Variants in DNMBP observed in about 807,000 individuals in gnomAD.
DNMBP encodes dynamin binding protein.
A neutral mutation model predicts 150.0 loss-of-function variants in DNMBP; 87 were observed. The ratio of observed to expected loss-of-function variants is 0.58; its 90% CI spans 0.49 to 0.69. The LOEUF (loss-of-function observed/expected upper bound fraction) is 0.69, where lower values mean the gene tolerates loss of function less well. DNMBP is among the 30% of genes least tolerant of loss of function. The pLI is 0.00. For synonymous variants in DNMBP, 711 were observed against 750.4 expected, an observed-to-expected ratio of 0.95 and a Z score of 0.86; for missense variants, 1,774 against 1,949.0, an observed-to-expected ratio of 0.91 and a Z score of 1.69.
At position 100,002,713 on chromosome 10, in the gene DNMBP, T is replaced by C. The variant is rs2041028455; in HGVS notation, c.-11+7125A>G. On this transcript the variant is annotated intron_variant, in intron 1 of 16. Transcript: ENST00000324109. ...ATATGTAGGGTTAATAAATATCTTC[T>C]GCTTGAAACAAAGTCAGCATAGGGT... Among the ~76,000 whole-genome samples the C allele has an allele frequency of 2.6e-5, 4 of 152,210 alleles. No individual in the cohort carries two copies. The South Asian group carries it at 6.2e-4, about 24-fold the overall frequency.
chr10:100,003,775 G>A (rs964071976), intron 1 of DNMBP, among the ~76,000 whole-genome samples: 4 of 152,028 alleles, frequency 2.6e-5, no homozygotes, highest in Non-Finnish European at 5.9e-5. Flanking sequence ...TCGCACCACT[G>A]TACTCCAGCC....
Position 99,955,775 on chromosome 10 carries a change from C to T in DNMBP, c.1699G>A (p.Gly567Ser), listed in dbSNP as rs528635086. Residue 567 changes from glycine to serine, a missense_variant, in exon 4 of 17, where the codon GGC (glycine) becomes AGC (serine). Transcript: ENST00000324109. ...CGTAAAATTTTATCTGGCTCTGTGC[C>T]GGGCCCTGCCAAGCTCTTCTCAAAC... ...IEFEKSLAGP[G>S]TEPDKILRHF... 125 of 1,614,194 alleles carry T rather than the reference C, an allele frequency of 7.7e-5. No individual in the cohort carries two copies. The highest frequency in any genetic ancestry group is 3.3e-4 in the Middle Eastern group (2 of 6,062).
intron 4 of DNMBP, among the ~76,000 whole-genome samples, chr10:99,916,287 ACT>A (rs1384335696): frequency 2.6e-5 from 4 of 152,122 alleles, no homozygotes; most frequent in Non-Finnish European, 5.9e-5. Flanking sequence ...ACATGGTGAA[ACT>A]CTGTCTCTAC....
At chr10:99,988,052 G>C (rs536597683) in intron 1 of DNMBP, among the ~76,000 whole-genome samples, 2 of 150,544 alleles carry the variant, frequency 1.3e-5, no homozygotes, top group Non-Finnish European at 3.0e-5. Flanking sequence ...CTTCACACCA[G>C]TTCTGCAGTG....
chr10:99,909,066 T>C lies in DNMBP; in HGVS notation c.2341A>G (p.Met781Val). Residue 781 changes from methionine (M) to valine (V), a missense_variant, in exon 5 of 17, where the codon ATG becomes GTG. Met to Val is a conservative substitution (Grantham distance 21). Around this residue, in one of 2 missense-constraint regions of DNMBP, gnomAD observed 1,430 missense variants for 1,492.5 expected, o/e 0.96. Coordinates refer to ENST00000324109, the MANE Select transcript of DNMBP (RefSeq NM_015221.4). ...SVSAENPEQR[M>V]LEKRAKVIEE... is the part of the protein sequence containing the mutation. ...ATGACCTTGGCTCTCTTCTCCAGCA[T>C]CCTCTGCTCTGGATTTTCGGCAGAC... 1 of 1,614,190 alleles carries C rather than the reference T, an allele frequency of 6.2e-7. No homozygotes were observed. Among genetic ancestry groups the C allele is most frequent in the South Asian group, 1.1e-5 (1 of 91,084 alleles).
At chr10:99,964,885 A>AT (rs1313725020) in intron 3 of DNMBP, among the ~76,000 whole-genome samples, 15,206 of 135,650 alleles carry the variant, frequency 0.11, 985 homozygotes, top group Middle Eastern at 0.22. Context: ...AAAAAAAAAA[A>AT]ATATATATAT....
chr10:99,877,396 C>A (rs1590204045), intron 16 of DNMBP, 60 bp from the exon 17 acceptor site: 2 of 1,430,430 alleles, frequency 1.4e-6, no homozygotes, highest in Non-Finnish European at 1.9e-6. Flanking sequence ...CCAACAGCTT[C>A]GTGCGGTGTT....
At chr10:99,908,877 A>G in intron 5 of DNMBP, 76 bp downstream of exon 5, 1 of 1,336,212 alleles carries the variant, frequency 7.5e-7, no homozygotes, top group Non-Finnish European at 1.0e-6. Context: ...TCTGTGGCGA[A>G]AGCTCCTATA....
At chr10:99,898,901 TG>T (rs1308023980) in intron 7 of DNMBP, 141 bp from the exon 8 acceptor site, 1 of 876,938 alleles carries the variant, frequency 1.1e-6, no homozygotes, top group Non-Finnish European at 1.8e-6. Flanking sequence ...TACTAAAAAA[TG>T]TTAGCCCCGG....
chr10:99,994,000 G>C (rs959663225), intron 1 of DNMBP, among the ~76,000 whole-genome samples: 3 of 152,190 alleles, frequency 2.0e-5, no homozygotes, highest in Non-Finnish European at 2.9e-5. Flanking sequence ...GATGGGCATG[G>C]AGGGTAGGTA....
intron 4 of DNMBP, among the ~76,000 whole-genome samples, chr10:99,928,618 TAA>T (rs1271891030): frequency 6.6e-6 from 1 of 152,130 alleles, no homozygotes; most frequent in Non-Finnish European, 1.5e-5. Flanking sequence ...CTCTACATGA[TAA>T]AAGACTCCTA....
At chr10:99,965,198 A>C (rs1393912648) in intron 3 of DNMBP, among the ~76,000 whole-genome samples, 1 of 152,120 alleles carries the variant, frequency 6.6e-6, no homozygotes, top group African/African-American at 2.4e-5. Flanking sequence ...AATCACCCTG[A>C]GGTAGGTATT....
intron 12 of DNMBP, among the ~76,000 whole-genome samples, chr10:99,887,695 C>A (rs948582119): frequency 3.3e-5 from 5 of 152,152 alleles, no homozygotes; most frequent in Admixed American, 6.5e-5. Flanking sequence ...GTGGGCATGT[C>A]TTTTTCACCC....
intron 11 of DNMBP, among the ~76,000 whole-genome samples, chr10:99,893,556 A>T (rs540796209): frequency 1.3e-5 from 2 of 152,328 alleles, no homozygotes; most frequent in East Asian, 3.9e-4. Context: ...CAACATGATG[A>T]CACCCCGTCT....
At chr10:99,931,215 C>G (rs1335819332) in intron 4 of DNMBP, among the ~76,000 whole-genome samples, 1 of 152,168 alleles carries the variant, frequency 6.6e-6, no homozygotes, top group Non-Finnish European at 1.5e-5. Context: ...CTTTAGTAAG[C>G]CACCAGGGGT....
chr10:99,893,098 A>G (rs1160891316), intron 11 of DNMBP, among the ~76,000 whole-genome samples: 2 of 152,226 alleles, frequency 1.3e-5, no homozygotes, highest in Admixed American at 6.5e-5. Context: ...AATTTAAACT[A>G]TATTGAAATA....
chr10:100,002,229 G>T (rs1178271088), intron 1 of DNMBP, among the ~76,000 whole-genome samples: 1 of 152,114 alleles, frequency 6.6e-6, no homozygotes, highest in African/African-American at 2.4e-5. Flanking sequence ...GTGCTAAAAG[G>T]CAGGATTATA....
chr10:99,897,932 TATC>T (rs2039679889), intron 9 of DNMBP, 151 bp downstream of exon 9: 11 of 654,818 alleles, frequency 1.7e-5, no homozygotes, highest in South Asian at 2.0e-5. Flanking sequence ...AATAATAAAA[TATC>T]ATATTTCCCC....
chr10:99,930,461 C>T lies in DNMBP; in HGVS notation c.2261-21315G>A, dbSNP rs952658767. 6 of 702,878 alleles carry T rather than the reference C, an allele frequency of 8.5e-6. No individual in the cohort carries two copies. The East Asian group carries it at 1.6e-4, about 19-fold the overall frequency. The allele number at this position is 702,878 out of a possible 1,614,324, so 43.5% of individuals were successfully genotyped here. On this transcript the variant is annotated intron_variant, in intron 4 of 16. Coordinates refer to ENST00000324109, the MANE Select transcript of DNMBP (RefSeq NM_015221.4). ...TCTCATAATCTACATTTTCTGGACT[C>T]CTATAACCATCATGACCTCCGTGGT...
Sources: gnomAD v4.1 joint callset for allele counts (sites outside exome capture counted in the v4.1 genomes callset) on GRCh38, gnomAD v4.1.1 for gene constraint, gnomAD v4.1.1 regional missense constraint, MANE v1.5 for transcripts, NCBI Gene and HGNC (gene_info 2026-07-23, HGNC 2026-07-21) for gene names.